Variants in ALPK3 observed in about 807,000 individuals in gnomAD.
The protein encoded by ALPK3 is alpha kinase 3, also known as alpha-protein kinase 3.
ALPK3 carries 102 observed loss-of-function variants against 140.0 expected under a neutral mutation model. The observed-to-expected ratio is 0.73, with a 90% confidence interval of 0.62 to 0.86. The LOEUF is 0.86. ALPK3 is among the 40% of genes least tolerant of loss of function. ALPK3 has a pLI of 0.00. For synonymous variants in ALPK3, 938 were observed against 898.5 expected (o/e 1.04, Z -0.79); for missense variants, 2,254 against 2,208.2 (o/e 1.02, Z -0.42).
intron 5 of ALPK3, among the ~76,000 whole-genome samples, chr15:84,853,165 G>C (rs1185444951): frequency 6.6e-6 from 1 of 152,158 alleles, no homozygotes; most frequent in Non-Finnish European, 1.5e-5. Flanking sequence ...TAGATTTATA[G>C]ATCTTATGTC....
At chr15:84,837,560 T>G (rs538725512) in intron 3 of ALPK3, among the ~76,000 whole-genome samples, 4 of 152,328 alleles carry the variant, frequency 2.6e-5, no homozygotes, top group Non-Finnish European at 2.9e-5. Flanking sequence ...AACCCTAACT[T>G]GCCAGTCATA....
At chr15:84,859,532 T>A in intron 7 of ALPK3, 142 bp downstream of exon 7, 1 of 1,324,866 alleles carries the variant, frequency 7.5e-7, no homozygotes, top group Non-Finnish European at 1.0e-6. Flanking sequence ...ATAGTAGAGA[T>A]GAGAAAATGG....
rs1269780448 is a variant in ALPK3 at position 84,825,417 on chromosome 15, C to T, written c.182+2049C>T. 1.1e-4 allele frequency among the ~76,000 whole-genome samples: 17 copies of T among 152,238 alleles called. No individual in the cohort carries two copies. In the East Asian group the frequency reaches 1.7e-3, roughly 16 times the overall value. On this transcript the variant is annotated intron_variant, in intron 2 of 13. Coordinates refer to ENST00000258888, the MANE Select transcript of ALPK3 (RefSeq NM_020778.5). Reference sequence around the variant, plus strand: ...GTCTCGATCTCTTGACCTCGTGATCCGCCAGCCTCAGCCTCCCAAAGTGCT... The same window carrying T: ...GTCTCGATCTCTTGACCTCGTGATCTGCCAGCCTCAGCCTCCCAAAGTGCT...
Position 84,868,505 on chromosome 15 carries a change from G to A in ALPK3, c.*49G>A, listed in dbSNP as rs151129622. ...CACCCAGCAGCAGACCAACCAGGAA[G>A]CAGCTTGAACTGGATGGAGACTTTC... On this transcript the variant is annotated 3_prime_UTR_variant, in exon 14 of 14. Transcript: ENST00000258888. The A allele has an allele frequency of 4.8e-3, 7,289 of 1,523,586 alleles. 41 individuals carry two copies. Among genetic ancestry groups the A allele is most frequent in the Non-Finnish European group, 5.7e-3 (6,437 of 1,132,326 alleles). 94.4% of individuals were successfully genotyped at this position (1,523,586 alleles called of 1,614,324 possible). A position where few individuals can be genotyped will look rare whatever the true frequency, so the allele number is the denominator to read the frequency against.
intron 5 of ALPK3, among the ~76,000 whole-genome samples, chr15:84,846,721 A>G (rs1032011193): frequency 5.9e-5 from 9 of 152,168 alleles, no homozygotes; most frequent in African/African-American, 2.2e-4. Context: ...GGTAAAAGAT[A>G]TGAAGAACCA....
rs772402441 is a variant in ALPK3 at position 84,823,347 on chromosome 15, T to C, written c.161T>C (p.Leu54Ser). Residue 54 changes from leucine (L) to serine (S), a missense_variant, in exon 2 of 14, where the codon TTG becomes TCG. Coordinates refer to ENST00000258888, the MANE Select transcript of ALPK3 (RefSeq NM_020778.5). Reference protein sequence around the residue: ...RPETSLSSNRLSHPSSGRSTF... With the variant: ...RPETSLSSNRSSHPSSGRSTF... The stretch of plus-strand genomic sequence containing the variant: ...TTGCTTAGCTTATCAAGCAACCGGT[T>C]GTCTCACCCCAGCTCTGGAAGGTAA... The C allele has an allele frequency of 2.0e-5, 32 of 1,614,048 alleles. No individual in the cohort carries two copies. Among genetic ancestry groups the C allele is most frequent in the Non-Finnish European group, 2.7e-5 (32 of 1,180,036 alleles).
chr15:84,827,747 C>A, intron 3 of ALPK3, 142 bp downstream of exon 3: 1 of 1,253,784 alleles, frequency 8.0e-7, no homozygotes. Context: ...AGCTTTCTCT[C>A]TAGTTTAACA....
intron 5 of ALPK3, among the ~76,000 whole-genome samples, chr15:84,842,134 A>C (rs1243571955): frequency 6.6e-6 from 1 of 152,210 alleles, no homozygotes; most frequent in African/African-American, 2.4e-5. Flanking sequence ...CCCGGGTTCA[A>C]GCAGTTCTTG....
intron 9 of ALPK3, 110 bp downstream of exon 9, chr15:84,860,182 G>A (rs1596157190): frequency 7.5e-7 from 1 of 1,341,442 alleles, no homozygotes; most frequent in Non-Finnish European, 1.1e-6. Context: ...GCTCCTCTTT[G>A]CCTCTTAGTT....
chr15:84,862,121 C>T (rs1963952326), intron 9 of ALPK3, among the ~76,000 whole-genome samples: 3 of 152,104 alleles, frequency 2.0e-5, no homozygotes, highest in African/African-American at 4.8e-5. Flanking sequence ...GCTCTGGTTT[C>T]CCTTTAATGG....
chr15:84,822,786 T>G (rs1362178966), intron 1 of ALPK3, among the ~76,000 whole-genome samples: 1 of 152,208 alleles, frequency 6.6e-6, no homozygotes, highest in Non-Finnish European at 1.5e-5. Context: ...CTGAATTAAC[T>G]GCCTTGTTTT....
chr15:84,859,998 C>A, intron 8 of ALPK3, 39 bp from the exon 9 acceptor site: 1 of 1,614,008 alleles, frequency 6.2e-7, no homozygotes, highest in Non-Finnish European at 8.5e-7. Context: ...CTTGGCACAG[C>A]AGCCTGAAGG....
Position 84,858,412 on chromosome 15 carries a change from A to C in ALPK3, c.3674A>C (p.Glu1225Ala), listed in dbSNP as rs116008918. Residue 1225 changes from glutamate (E) to alanine (A), a missense_variant, in exon 6 of 14, where the codon GAG (glutamate) becomes GCG (alanine). Transcript: ENST00000258888. The part of the protein sequence containing the change: ...PTQGRKASML[E>A]VPRAEEELAA... ...CAGGGCAGAAAGGCGAGCATGCTGG[A>C]GGTGCCTCGGGCAGAGGAGGAGCTG... 1 of 1,558,172 alleles carries C rather than the reference A, an allele frequency of 6.4e-7. No individual in the cohort carries two copies. The highest frequency in any genetic ancestry group is 1.4e-5 in the African/African-American group (1 of 73,902).
At chr15:84,833,568 G>T (rs926415251) in intron 3 of ALPK3, among the ~76,000 whole-genome samples, 5 of 152,222 alleles carry the variant, frequency 3.3e-5, no homozygotes, top group Non-Finnish European at 7.3e-5. Flanking sequence ...TGTCTCCAGA[G>T]TGACCATACG....
At position 84,864,548 on chromosome 15, in the gene ALPK3, G is replaced by C. The variant is rs1202059784; in HGVS notation, c.4606G>C (p.Gly1536Arg). The C allele has an allele frequency of 6.2e-7, 1 of 1,614,206 alleles. No individual in the cohort carries two copies. Among genetic ancestry groups the C allele is most frequent in the Non-Finnish European group, 8.5e-7 (1 of 1,180,048 alleles). Residue 1536 changes from glycine to arginine, a missense_variant, in exon 12 of 14, where the codon GGC becomes CGC. Gly to Arg is a moderately radical substitution (Grantham distance 125). Around this residue, in one of 3 missense-constraint regions of ALPK3, gnomAD observed 2,088 missense variants for 2,022.9 expected, o/e 1.03. Coordinates refer to ENST00000258888, the MANE Select transcript of ALPK3 (RefSeq NM_020778.5). ...GGAGTCTTACTGTTCTCGGGAATGG[G>C]GCTGTGCTGAGGCTCCGACAGCATC... is the stretch of plus-strand genomic sequence containing the variant. Reference protein sequence around the residue: ...PLESYCSREWGCAEAPTASGS... With the variant: ...PLESYCSREWRCAEAPTASGS...
intron 10 of ALPK3, 86 bp from the exon 11 acceptor site, chr15:84,863,466 A>G: frequency 8.3e-7 from 1 of 1,206,906 alleles, no homozygotes; most frequent in Non-Finnish European, 1.2e-6. Flanking sequence ...CCCCTAACAG[A>G]ATAGGTAGCC....
intron 7 of ALPK3, 131 bp downstream of exon 7, chr15:84,859,521 C>A: frequency 7.4e-7 from 1 of 1,346,506 alleles, no homozygotes; most frequent in Non-Finnish European, 9.9e-7. Flanking sequence ...CTTTTATTCC[C>A]ATAGTAGAGA....
chr15:84,829,026 C>G (rs571795246), intron 3 of ALPK3, among the ~76,000 whole-genome samples: 1 of 152,324 alleles, frequency 6.6e-6, no homozygotes, highest in South Asian at 2.1e-4. Context: ...TTAAATTTTA[C>G]TTTGTCAAAT....
chr15:84,860,807 C>T (rs1723245691), intron 9 of ALPK3, among the ~76,000 whole-genome samples: 1 of 152,246 alleles, frequency 6.6e-6, no homozygotes. Context: ...ACTGCAACCT[C>T]CGCTTCCTGG....
Sources: allele counts gnomAD v4.1 joint callset (sites outside exome capture counted in the v4.1 genomes callset), GRCh38; gene constraint gnomAD v4.1.1; regional missense constraint gnomAD v4.1.1; transcripts MANE v1.5; gene names NCBI Gene and HGNC (gene_info 2026-07-23, HGNC 2026-07-21).